The following MYH2 variants were observed in gnomAD, a reference collection of about 807,000 sequenced individuals.
MYH2 encodes myosin-2.
A neutral mutation model predicts 228.1 loss-of-function variants in MYH2; 139 were observed. The observed-to-expected ratio is 0.61, with a 90% confidence interval of 0.53 to 0.70. The LOEUF (loss-of-function observed/expected upper bound fraction) is 0.70. Ranked by LOEUF, MYH2 falls within the 30% of genes least tolerant of loss-of-function variation. The probability of loss-of-function intolerance (pLI) is 0.00; values close to 1 mark genes in which losing one functional copy is unlikely to be tolerated. For synonymous variants in MYH2, 796 were observed against 871.1 expected, an observed-to-expected ratio of 0.91 and a Z score of 1.52; for missense variants, 1,809 against 2,357.5, an observed-to-expected ratio of 0.77 and a Z score of 4.82.
In MYH2 at chr17:10,523,164, T is replaced by C. The variant is rs2073304865; in HGVS notation, c.5599A>G (p.Ile1867Val). 1 of 1,613,894 alleles carries C rather than the reference T, an allele frequency of 6.2e-7. No homozygotes were observed. Among genetic ancestry groups the C allele is most frequent in the East Asian group, 2.2e-5 (1 of 44,888 alleles). ...TCTACCAAATCTTGAAGCCTGAGAATATTCTTTCTATCTTCTTCCGTCTGA... is the reference window on the plus strand; with the variant it reads ...TCTACCAAATCTTGAAGCCTGAGAACATTCTTTCTATCTTCTTCCGTCTGA... ...TYQTEEDRKN[I>V]LRLQDLVDKL... The change falls in exon 39 of 40, where the codon ATT (isoleucine) becomes GTT (valine). Residue 1867 changes from isoleucine to valine, a missense_variant. This residue lies in a region of MYH2 where 278 missense variants were observed against 308.5 expected (regional missense o/e 0.90). Coordinates refer to ENST00000245503, the MANE Select transcript of MYH2 (RefSeq NM_017534.6).
Position 10,525,752 on chromosome 17 carries a change from C to T in MYH2, c.4312G>A (p.Val1438Met). The T allele has an allele frequency of 1.2e-6, 2 of 1,614,242 alleles. No homozygotes were observed. The highest frequency in any genetic ancestry group is 1.7e-6 in the Non-Finnish European group (2 of 1,180,036). Residue 1438 changes from valine to methionine, a missense_variant, in exon 31 of 40, where the codon GTG becomes ATG. This residue lies in a region of MYH2 where 636 missense variants were observed against 729.9 expected (regional missense o/e 0.87). Coordinates refer to ENST00000245503, the MANE Select transcript of MYH2 (RefSeq NM_017534.6). This position sits in a 1 kb window ranked among gnomAD's most constrained non-coding sequence, Gnocchi z 4.2. ...GCACAGGCGGCATTTGTCCTCTCCA[C>T]ATCAAGCATGAGGTCCTCGACCTCA... is the stretch of plus-strand genomic sequence containing the variant. ...QNEVEDLMLD[V>M]ERTNAACAAL... is the part of the protein sequence containing the mutation.
At position 10,547,459 on chromosome 17, in the gene MYH2, G is replaced by A. The variant is rs1350022619; in HGVS notation, c.348+16C>T. On this transcript the variant is annotated intron_variant, in intron 4 of 39. Transcript: ENST00000245503. The stretch of plus-strand genomic sequence containing the variant: ...CATGAGGATGATTATACAGAGCACT[G>A]GCAGGGGACACTCACGTAGATCATC... 6.2e-7 allele frequency: 1 copy of A among 1,613,878 alleles called. No homozygotes were observed. Among genetic ancestry groups the A allele is most frequent in the Non-Finnish European group, 8.5e-7 (1 of 1,179,882 alleles).
At position 10,545,449 on chromosome 17, in the gene MYH2, C is replaced by T; in HGVS notation, c.402G>A (p.Val134=). The stretch of plus-strand genomic sequence containing the variant: ...AGGCTGTCACCACCTCGGGCTTATA[C>T]ACAGGCAGCCACTTGTAGGGGTTGA... ...VTVNPYKWLP[V]YKPEVVTAYR... The change falls in exon 5 of 40, where the codon GTG becomes GTA. Residue 134 remains valine, a synonymous_variant. Coordinates refer to ENST00000245503, the MANE Select transcript of MYH2 (RefSeq NM_017534.6). 6.2e-7 allele frequency: 1 copy of T among 1,614,176 alleles called. No individual in the cohort carries two copies. The highest frequency in any genetic ancestry group is 1.1e-5 in the South Asian group (1 of 91,078).
rs1199310006 is a variant in MYH2 at position 10,537,122 on chromosome 17, GAACC to G, written c.1897+107_1897+110del. The stretch of plus-strand genomic sequence containing the variant: ...CTGCCTATCTATTCAATACTTGGAG[GAACC>G]AGGGGCTTGGTCTGCAACCCTTCTG... On this transcript the variant is annotated intron_variant, in intron 16 of 39. Coordinates refer to ENST00000245503, the MANE Select transcript of MYH2 (RefSeq NM_017534.6). This position sits in a 1 kb window ranked among gnomAD's most constrained non-coding sequence, Gnocchi z 4.0. 2.5e-5 allele frequency: 36 copies of G among 1,415,044 alleles called. No homozygotes were observed. Among genetic ancestry groups the G allele is most frequent in the Non-Finnish European group, 3.5e-5 (35 of 1,009,200 alleles). The allele number at this position is 1,415,044 out of a possible 1,614,324, so 87.7% of individuals were successfully genotyped here.
chr17:10,547,715 A>G lies in MYH2; in HGVS notation c.204+2T>C. On this transcript the variant is annotated splice_donor_variant, in intron 3 of 39. Transcript: ENST00000245503. LOFTEE classifies it high-confidence loss of function. ...GTGGCAAGCTCCTGGGATTCTACTC[A>G]CCGCTCCTCCCTCAGTCTTCACCGT... 1 of 1,614,116 alleles carries G rather than the reference A, an allele frequency of 6.2e-7. No homozygotes were observed. The highest frequency in any genetic ancestry group is 8.5e-7 in the Non-Finnish European group (1 of 1,180,014).
At chr17:10,545,324 G>A (rs764182051) in intron 5 of MYH2, 22 bp downstream of exon 5, 34 of 1,612,720 alleles carry the variant, frequency 2.1e-5, no homozygotes, top group Non-Finnish European at 2.6e-5. Flanking sequence ...TTACGCACTT[G>A]CAAAGCATTC....
At chr17:10,533,748 A>C (rs1294130520) in intron 19 of MYH2, 116 bp from the exon 20 acceptor site, 7 of 1,353,084 alleles carry the variant, frequency 5.2e-6, no homozygotes, top group East Asian at 4.8e-5. Flanking sequence ...TTCTTTGTTC[A>C]CAAGGAGAAC....
rs928662852 is a variant in MYH2, at chr17:10,529,097, T to C, written c.3355-18A>G. The C allele has an allele frequency of 1.9e-6, 3 of 1,614,204 alleles. No homozygotes were observed. The highest frequency in any genetic ancestry group is 2.5e-6 in the Non-Finnish European group (3 of 1,180,030). Reference sequence around the variant, plus strand: ...ATGCGGGCCTGGGAATGGTGGAAAATACAAACTCAGCTTCTTTGTGTCATA... The same window carrying C: ...ATGCGGGCCTGGGAATGGTGGAAAACACAAACTCAGCTTCTTTGTGTCATA... On this transcript the variant is annotated intron_variant, in intron 26 of 39. Transcript: ENST00000245503.
At chr17:10,543,877 T>G (rs937418545) in intron 7 of MYH2, 25 bp downstream of exon 7, 8 of 1,613,944 alleles carry the variant, frequency 5.0e-6, no homozygotes, top group African/African-American at 1.3e-5. Context: ...AGAGTCTGGA[T>G]TCTGACTGTG....
In MYH2 at chr17:10,531,736, A is replaced by G. The variant is rs902960887; in HGVS notation, c.2594T>C (p.Ile865Thr). 6.2e-7 allele frequency: 1 copy of G among 1,613,946 alleles called. No homozygotes were observed. ...CTCTGACTTGGCAAGTTCGTCTTTAATTTTCTGAAATTCTTCCTTCATGGT... is the reference window on the plus strand; with the variant it reads ...CTCTGACTTGGCAAGTTCGTCTTTAGTTTTCTGAAATTCTTCCTTCATGGT... Reference protein sequence around the residue: ...MATMKEEFQKIKDELAKSEAK... With the variant: ...MATMKEEFQKTKDELAKSEAK... The change falls in exon 22 of 40, where the codon ATT becomes ACT. Residue 865 changes from isoleucine to threonine, a missense_variant. Ile to Thr is a moderately conservative substitution (Grantham distance 89). Transcript: ENST00000245503.
chr17:10,539,109 G>A, intron 14 of MYH2, 96 bp downstream of exon 14: 2 of 1,601,592 alleles, frequency 1.2e-6, no homozygotes, highest in South Asian at 1.1e-5. Flanking sequence ...AATTTCTACA[G>A]TGGTAAGAAA....
chr17:10,528,652 C>T, intron 27 of MYH2, 38 bp downstream of exon 27: 1 of 1,613,756 alleles, frequency 6.2e-7, no homozygotes, highest in Non-Finnish European at 8.5e-7. Flanking sequence ...GTCCATAATG[C>T]ATTATTTTCA....
At chr17:10,538,417 G>A (rs934616992) in intron 14 of MYH2, among the ~76,000 whole-genome samples, 14 of 151,954 alleles carry the variant, frequency 9.2e-5, no homozygotes, top group East Asian at 3.9e-4. Context: ...TGAGGTGGGC[G>A]GATCACGAGG....
At chr17:10,544,981 G>T (rs2073607532) in intron 5 of MYH2, among the ~76,000 whole-genome samples, 1 of 151,648 alleles carries the variant, frequency 6.6e-6, no homozygotes, top group Non-Finnish European at 1.5e-5. Flanking sequence ...TAGTAACGGA[G>T]ACACAGTTTG....
At position 10,526,683 on chromosome 17, in the gene MYH2, G is replaced by A. The variant is rs754037459; in HGVS notation, c.4103C>T (p.Ser1368Phe). The A allele has an allele frequency of 1.7e-5, 28 of 1,614,058 alleles. No individual in the cohort carries two copies. The highest frequency in any genetic ancestry group is 2.4e-5 in the Non-Finnish European group (28 of 1,179,922). Residue 1368 changes from serine (S) to phenylalanine (F), a missense_variant, in exon 30 of 40, where the codon TCC becomes TTC. By Grantham distance (155) the Ser-to-Phe change is radical. Around this residue, in one of 9 missense-constraint regions of MYH2, gnomAD observed 636 missense variants for 729.9 expected, o/e 0.87. Coordinates refer to ENST00000245503, the MANE Select transcript of MYH2 (RefSeq NM_017534.6). ...TTGGGCAACCTCGGTGTTGGCCTTG[G>A]ACAGTGCTCTCTGCAGCTCGGCCTT... Reference protein sequence around the residue: ...ESKAELQRALSKANTEVAQWR... With the variant: ...ESKAELQRALFKANTEVAQWR...
intron 27 of MYH2, among the ~76,000 whole-genome samples, 177 bp from the exon 28 acceptor site, chr17:10,528,051 T>TTTC (rs1567729278): frequency 6.7e-6 from 1 of 148,516 alleles, no homozygotes; most frequent in Non-Finnish European, 1.5e-5. Context: ...TTCTTTCTTT[T>TTTC]TTTTTTTTTT....
Position 10,537,512 on chromosome 17 carries a change from C to A in MYH2, c.1618G>T (p.Glu540Ter). The change falls in exon 16 of 40, where the codon GAG becomes TAG. Residue 540 changes from glutamate to a stop codon, truncating the protein, a stop_gained. Coordinates refer to ENST00000245503, the MANE Select transcript of MYH2 (RefSeq NM_017534.6). LOFTEE classifies it high-confidence loss of function. The surrounding 1 kb of genome is among the most constrained non-coding windows in gnomAD (Gnocchi z 4.0). ...PMGIFSILEE[E>*]CMFPKATDTS... ...TCTGTTGCCTTAGGGAACATGCACT[C>A]CTCTTCCAGGATGGAGAAGATGCCC... The A allele has an allele frequency of 2.5e-6, 4 of 1,614,176 alleles. No individual in the cohort carries two copies. Among genetic ancestry groups the A allele is most frequent in the Non-Finnish European group, 2.5e-6 (3 of 1,180,028 alleles).
At position 10,539,444 on chromosome 17, in the gene MYH2, C is replaced by T; in HGVS notation, c.1266G>A (p.Gln422=). The T allele has an allele frequency of 6.2e-7, 1 of 1,614,128 alleles. No homozygotes were observed. Among genetic ancestry groups the T allele is most frequent in the Non-Finnish European group, 8.5e-7 (1 of 1,179,964 alleles). The change falls in exon 13 of 40, where the codon CAG becomes CAA. Residue 422 remains glutamine (Q), a splice_region_variant and synonymous_variant. Coordinates refer to ENST00000245503, the MANE Select transcript of MYH2 (RefSeq NM_017534.6). ...CAGTTAATTTGAATTATGCACCTAC[C>T]TGTTCTACAGTCTGGCCTTTGGTGA... The part of the protein sequence containing the change: ...EYVTKGQTVE[Q]VSNAVGALAK...
In MYH2 at chr17:10,543,137, C is replaced by T. The variant is rs1168113713; in HGVS notation, c.766G>A (p.Gly256Ser). 6.2e-7 allele frequency: 1 copy of T among 1,611,542 alleles called. No individual in the cohort carries two copies. Among genetic ancestry groups the T allele is most frequent in the South Asian group, 1.1e-5 (1 of 90,606 alleles). The change falls in exon 9 of 40, where the codon GGC becomes AGC. Residue 256 changes from glycine (G) to serine (S), a missense_variant. Around this residue, in one of 9 missense-constraint regions of MYH2, gnomAD observed 373 missense variants for 620.4 expected, o/e 0.60. Coordinates refer to ENST00000245503, the MANE Select transcript of MYH2 (RefSeq NM_017534.6). ...GCAGATGCCAGTTTTCCAGTAGTGC[C>T]AAAGTGGATTCTGATGAATTTACCC... ...RFGKFIRIHF[G>S]TTGKLASADI...
Sources: gnomAD v4.1 joint callset for allele counts (sites outside exome capture counted in the v4.1 genomes callset) on GRCh38, gnomAD v4.1.1 for gene constraint, gnomAD v4.1.1 regional missense constraint, Gnocchi (gnomAD v3.1) non-coding constraint, MANE v1.5 for transcripts, NCBI Gene and HGNC (gene_info 2026-07-23, HGNC 2026-07-21) for gene names.